Variants in GPHN observed in about 807,000 individuals in gnomAD.
GPHN encodes the protein gephyrin.
In GPHN, 17 loss-of-function variants were observed where a neutral mutation model predicts 95.5. The observed-to-expected ratio is 0.18, with a 90% confidence interval of 0.12 to 0.27. The LOEUF (loss-of-function observed/expected upper bound fraction) is 0.27, where lower values mean the gene tolerates loss of function less well. Ranked by LOEUF, GPHN falls within the 10% of genes least tolerant of loss-of-function variation. The probability of loss-of-function intolerance (pLI) is 1.00; values close to 1 mark genes in which losing one functional copy is unlikely to be tolerated. For missense variants in GPHN, 660 were observed against 978.1 expected (o/e 0.67, Z 4.34); for synonymous variants, 320 against 322.5 (o/e 0.99, Z 0.08).
the GPHN span, chr14:67,390,648 A>G: frequency 6.3e-7 from 1 of 1,578,502 alleles, no homozygotes; most frequent in Non-Finnish European, 8.7e-7. Context: ...ACATGGAGCC[A>G]GCATGCGCAC....
the GPHN span, chr14:67,579,156 A>G: frequency 6.2e-7 from 1 of 1,606,190 alleles, no homozygotes; most frequent in Non-Finnish European, 8.5e-7. Context: ...CCAGTATGCC[A>G]CCTACTGCCA....
chr14:67,599,726 T>C, the GPHN span, among the ~76,000 whole-genome samples: 1 of 152,092 alleles, frequency 6.6e-6, no homozygotes, highest in African/African-American at 2.4e-5. Context: ...ATAGAACACA[T>C]GGCAGTTAAA....
At chr14:67,293,221 CTT>C in the GPHN span, among the ~76,000 whole-genome samples, 5 of 151,986 alleles carry the variant, frequency 3.3e-5, no homozygotes, top group African/African-American at 7.2e-5. Context: ...AACATGATGA[CTT>C]AAATTCTTGT....
intron 1 of GPHN, among the ~76,000 whole-genome samples, chr14:66,625,994 G>A (rs2063512569): frequency 6.6e-6 from 1 of 152,244 alleles, no homozygotes; most frequent in Non-Finnish European, 1.5e-5. Context: ...TTTCTCTTGG[G>A]CTGTTTAGTT....
the GPHN span, chr14:67,651,630 C>A: frequency 1.3e-6 from 1 of 775,654 alleles, no homozygotes; most frequent in African/African-American, 1.8e-5. Flanking sequence ...TCATAAGGTT[C>A]TTTAGCTGTC....
At chr14:66,616,194 C>CT (rs1194237128) in intron 1 of GPHN, among the ~76,000 whole-genome samples, 1 of 129,394 alleles carries the variant, frequency 7.7e-6, no homozygotes, top group Non-Finnish European at 1.5e-5. Context: ...ATGGGTTCTT[C>CT]TTTGATTCCA....
chr14:66,860,658 C>T (rs919676514), intron 4 of GPHN, among the ~76,000 whole-genome samples: 2 of 151,746 alleles, frequency 1.3e-5, no homozygotes, highest in East Asian at 1.9e-4. Flanking sequence ...AAATAATAAA[C>T]GAATCAACGA....
At chr14:67,721,702 C>G in the GPHN span, among the ~76,000 whole-genome samples, 2 of 150,678 alleles carry the variant, frequency 1.3e-5, no homozygotes, top group African/African-American at 4.9e-5. Context: ...TTTCGTTTTC[C>G]ACCAATGTAA....
intron 17 of GPHN, among the ~76,000 whole-genome samples, chr14:67,137,113 C>T (rs180929385): frequency 2.6e-5 from 4 of 151,612 alleles, no homozygotes; most frequent in Non-Finnish European, 5.9e-5. Flanking sequence ...GTAGAGGTAG[C>T]GCCATGCACT....
chr14:67,288,055 A>G, the GPHN span, among the ~76,000 whole-genome samples: 1 of 152,052 alleles, frequency 6.6e-6, no homozygotes, highest in African/African-American at 2.4e-5. Context: ...GTCTTTCACA[A>G]CACACTAACA....
the GPHN span, among the ~76,000 whole-genome samples, chr14:67,242,279 A>G: frequency 1.3e-5 from 2 of 152,352 alleles, no homozygotes; most frequent in Admixed American, 6.5e-5. Flanking sequence ...AGTTTATGCT[A>G]AAATTAAAAT....
At chr14:67,195,735 G>A in the GPHN span, among the ~76,000 whole-genome samples, 94 of 151,778 alleles carry the variant, frequency 6.2e-4, no homozygotes, top group African/African-American at 2.1e-3. Flanking sequence ...GTGTGTGTGT[G>A]TGTGTGTGTG....
At chr14:66,921,930 C>T (rs780458084) in intron 6 of GPHN, among the ~76,000 whole-genome samples, 1 of 151,936 alleles carries the variant, frequency 6.6e-6, no homozygotes, top group African/African-American at 2.4e-5. Flanking sequence ...AACTGATCTT[C>T]GACAAAGCAA....
At position 66,924,260 on chromosome 14, in the gene GPHN, A is replaced by T. The variant is rs199511542; in HGVS notation, c.796A>T (p.Ile266Phe). The T allele has an allele frequency of 6.2e-7, 1 of 1,609,314 alleles. No individual in the cohort carries two copies. ...AHGEQPIPGLINYSHHSTDER... is the reference protein window; with the variant it reads ...AHGEQPIPGLFNYSHHSTDER... Reference sequence around the variant, plus strand: ...CGGTGAACAGCCCATCCCTGGTCTCATCAATTATTCCCATCATTCAACAGA... The same window carrying T: ...CGGTGAACAGCCCATCCCTGGTCTCTTCAATTATTCCCATCATTCAACAGA... The change falls in exon 8 of 23, where the codon ATC becomes TTC. Residue 266 changes from isoleucine to phenylalanine, a missense_variant. Physicochemically the swap from Ile to Phe is conservative, Grantham distance 21. Around this residue, in one of 6 missense-constraint regions of GPHN, gnomAD observed 190 missense variants for 224.7 expected, o/e 0.85. Coordinates refer to ENST00000478722, the MANE Select transcript of GPHN (RefSeq NM_020806.5).
intron 3 of GPHN, among the ~76,000 whole-genome samples, chr14:66,786,784 A>G (rs2059791974): frequency 6.6e-6 from 1 of 152,138 alleles, no homozygotes; most frequent in African/African-American, 2.4e-5. Context: ...TCAAATGATC[A>G]TATCGATTGA....
the GPHN span, among the ~76,000 whole-genome samples, chr14:67,354,423 A>G: frequency 1.3e-5 from 2 of 152,196 alleles, no homozygotes; most frequent in African/African-American, 2.4e-5. Context: ...TTTTAAATGC[A>G]ATTATTTTCA....
chr14:67,112,633 T>A (rs2078443671), intron 15 of GPHN, among the ~76,000 whole-genome samples: 1 of 152,202 alleles, frequency 6.6e-6, no homozygotes, highest in Non-Finnish European at 1.5e-5. Flanking sequence ...TTATCATTAA[T>A]GCCGCTAGAT....
At chr14:66,997,779 T>C (rs2071920480) in intron 9 of GPHN, among the ~76,000 whole-genome samples, 1 of 152,314 alleles carries the variant, frequency 6.6e-6, no homozygotes, top group Non-Finnish European at 1.5e-5. Context: ...AAAACTGATT[T>C]CCTGGGGAGT....
intron 8 of GPHN, 96 bp from the exon 9 acceptor site, chr14:66,965,095 G>C (rs2069229322): frequency 1.0e-6 from 1 of 981,790 alleles, no homozygotes; most frequent in Non-Finnish European, 1.6e-6. Context: ...ATATGTCAGA[G>C]CTGAGCAGCA....
Sources: allele counts gnomAD v4.1 joint callset (sites outside exome capture counted in the v4.1 genomes callset), GRCh38; gene constraint gnomAD v4.1.1; regional missense constraint gnomAD v4.1.1; transcripts MANE v1.5; gene names NCBI Gene and HGNC (gene_info 2026-07-23, HGNC 2026-07-21).